ETHE1: variants seen among roughly 807,000 people sequenced by gnomAD.
The protein encoded by ETHE1 is persulfide dioxygenase ETHE1, mitochondrial.
A neutral mutation model predicts 25.7 loss-of-function variants in ETHE1; 16 were observed. The observed-to-expected ratio is 0.62, with a 90% CI of 0.42 to 0.95. The LOEUF (loss-of-function observed/expected upper bound fraction) is 0.95, where lower values mean the gene tolerates loss of function less well. Ranked by LOEUF, ETHE1 falls within the 40% of genes least tolerant of loss-of-function variation. The pLI is 0.00. For missense variants in ETHE1, 300 were observed against 333.6 expected, an observed-to-expected ratio of 0.90 and a Z score of 0.79; for synonymous variants, 139 against 135.9, an observed-to-expected ratio of 1.02 and a Z score of -0.16.
chr19:43,527,066 GC>G (rs1568502901), intron 1 of ETHE1, 30 bp downstream of exon 1: 1 of 1,546,708 alleles, frequency 6.5e-7, no homozygotes, highest in South Asian at 1.2e-5. Context: ...CTAGTGCCCA[GC>G]AGTCCCCTCC....
chr19:43,509,088 A>C (rs1568492165), intron 4 of ETHE1, among the ~76,000 whole-genome samples: 1 of 152,194 alleles, frequency 6.6e-6, no homozygotes, highest in African/African-American at 2.4e-5. Context: ...CATGGCTGTA[A>C]ATAGGGTTGG....
At chr19:43,524,768 C>T (rs894571416) in intron 3 of ETHE1, among the ~76,000 whole-genome samples, 1 of 151,652 alleles carries the variant, frequency 6.6e-6, no homozygotes, top group African/African-American at 2.4e-5. Context: ...CCCACCATTG[C>T]ACTCCAGCCT....
At chr19:43,519,079 G>A (rs939240056) in intron 3 of ETHE1, among the ~76,000 whole-genome samples, 8 of 132,850 alleles carry the variant, frequency 6.0e-5, no homozygotes, top group Non-Finnish European at 6.1e-5. Context: ...GTGCGATCTC[G>A]TCTCACTGCA....
intron 4 of ETHE1, among the ~76,000 whole-genome samples, chr19:43,510,515 A>G (rs1414183788): frequency 1.3e-5 from 2 of 151,542 alleles, no homozygotes; most frequent in Non-Finnish European, 2.9e-5. Flanking sequence ...TTGTATTTTT[A>G]GTAGAGACGG....
intron 3 of ETHE1, among the ~76,000 whole-genome samples, chr19:43,517,011 A>G (rs1165709645): frequency 2.6e-5 from 4 of 151,578 alleles, no homozygotes; most frequent in African/African-American, 7.3e-5. Flanking sequence ...TTCAGTAAAG[A>G]TGGGCTCTCA....
rs1600018176 is a variant in ETHE1, at chr19:43,525,904, T to C, written c.375+297A>G. 6 of 463,018 alleles carry C rather than the reference T, an allele frequency of 1.3e-5. No individual in the cohort carries two copies. The East Asian group carries it at 2.6e-4, about 20-fold the overall frequency. The allele number at this position is 463,018 out of a possible 1,614,324, so 28.7% of individuals were successfully genotyped here. On this transcript the variant is annotated intron_variant, in intron 3 of 6. Coordinates refer to ENST00000292147, the MANE Select transcript of ETHE1 (RefSeq NM_014297.5). ...TCAGAATTCCAGCCCCTAATCAACT[T>C]TTATGGAGATGCATGCCAGGCCAAA...
intron 4 of ETHE1, among the ~76,000 whole-genome samples, chr19:43,509,138 T>C (rs1051896979): frequency 1.3e-5 from 2 of 152,178 alleles, no homozygotes; most frequent in South Asian, 2.1e-4. Context: ...ATTTGTGACC[T>C]TGGCTGTCAC....
At chr19:43,524,462 G>C (rs1972200428) in intron 3 of ETHE1, among the ~76,000 whole-genome samples, 1 of 151,866 alleles carries the variant, frequency 6.6e-6, no homozygotes, top group Non-Finnish European at 1.5e-5. Context: ...TGGCTAAGGG[G>C]TGTGGGGTCT....
chr19:43,518,109 A>G (rs1053775369), intron 3 of ETHE1, among the ~76,000 whole-genome samples: 3 of 151,416 alleles, frequency 2.0e-5, no homozygotes, highest in African/African-American at 7.2e-5. Context: ...TAAATAATAA[A>G]AAAGAAAACA....
intron 3 of ETHE1, among the ~76,000 whole-genome samples, chr19:43,522,557 A>T (rs1009102884): frequency 6.6e-6 from 1 of 151,978 alleles, no homozygotes; most frequent in Non-Finnish European, 1.5e-5. Flanking sequence ...GCTCACTGCA[A>T]CCTCCACCTC....
intron 3 of ETHE1, among the ~76,000 whole-genome samples, chr19:43,521,914 A>G (rs528499446): frequency 1.3e-5 from 2 of 152,242 alleles, no homozygotes; most frequent in Admixed American, 6.5e-5. Flanking sequence ...GAATAATCAG[A>G]AGGAAAATAG....
rs201476340 is a variant in ETHE1, at chr19:43,515,570, T to C, written c.376-4004A>G. ...CCTCAGATAGTACAAACCCTATAAA[T>C]ACTGTTTTGTTTTGTTTTGTTTTGG... On this transcript the variant is annotated intron_variant, in intron 3 of 6. Coordinates refer to ENST00000292147, the MANE Select transcript of ETHE1 (RefSeq NM_014297.5). 3.3e-5 allele frequency among the ~76,000 whole-genome samples: 5 copies of C among 151,882 alleles called. No homozygotes were observed. In the East Asian group the frequency reaches 7.7e-4, roughly 24 times the overall value.
At chr19:43,514,672 G>A (rs1971985946) in intron 3 of ETHE1, among the ~76,000 whole-genome samples, 1 of 151,954 alleles carries the variant, frequency 6.6e-6, no homozygotes, top group Non-Finnish European at 1.5e-5. Flanking sequence ...TTTTAGTAGA[G>A]ATGGGGATTC....
Position 43,508,061 on chromosome 19 carries a change from C to T in ETHE1, c.596-1G>A, listed in dbSNP as rs1487930609. ...TCCTCCACGGTGGACACTGTGAACC[C>T]TAGGGGCCAAGGGAGGGGAAGGAAA... On this transcript the variant is annotated splice_acceptor_variant, in intron 5 of 6. Coordinates refer to ENST00000292147, the MANE Select transcript of ETHE1 (RefSeq NM_014297.5). LOFTEE classifies it high-confidence loss of function. 1 of 1,613,652 alleles carries T rather than the reference C, an allele frequency of 6.2e-7. No homozygotes were observed. The highest frequency in any genetic ancestry group is 1.7e-5 in the Admixed American group (1 of 60,000).
At chr19:43,511,310 C>G in intron 4 of ETHE1, 127 bp downstream of exon 4, 1 of 1,454,546 alleles carries the variant, frequency 6.9e-7, no homozygotes, top group Non-Finnish European at 9.5e-7. Flanking sequence ...AGGTAAACTC[C>G]TTGAATTTAA....
chr19:43,511,349 C>T (rs1971910766), intron 4 of ETHE1, 88 bp downstream of exon 4: 4 of 1,584,902 alleles, frequency 2.5e-6, no homozygotes, highest in African/African-American at 1.3e-5. Context: ...GTCTAATGTC[C>T]ATCCATTCAT....
At chr19:43,513,438 C>T (rs1303891111) in intron 3 of ETHE1, among the ~76,000 whole-genome samples, 1 of 152,168 alleles carries the variant, frequency 6.6e-6, no homozygotes, top group African/African-American at 2.4e-5. Context: ...CAGAGCTGCC[C>T]AAGACCATGG....
At chr19:43,508,621 G>A (rs372499870) in intron 5 of ETHE1, among the ~76,000 whole-genome samples, 154 bp downstream of exon 5, 3 of 152,226 alleles carry the variant, frequency 2.0e-5, no homozygotes, top group East Asian at 1.9e-4. Context: ...AGGATTACAA[G>A]TGTGAGCCCC....
At chr19:43,514,751 TG>T (rs766374224) in intron 3 of ETHE1, among the ~76,000 whole-genome samples, 1 of 152,172 alleles carries the variant, frequency 6.6e-6, no homozygotes. Flanking sequence ...CCCAAAGTGC[TG>T]GGATTACAGG....
Sources: gnomAD v4.1 joint callset for allele counts (sites outside exome capture counted in the v4.1 genomes callset) on GRCh38, gnomAD v4.1.1 for gene constraint, MANE v1.5 for transcripts, NCBI Gene and HGNC (gene_info 2026-07-23, HGNC 2026-07-21) for gene names.